The following FAM124A variants were observed in gnomAD, a reference collection of about 807,000 sequenced individuals.
FAM124A encodes the protein family with sequence similarity 124 member A.
FAM124A carries 23 observed loss-of-function variants against 24.5 expected under a neutral mutation model. The ratio of observed to expected loss-of-function variants is 0.94; its 90% confidence interval spans 0.68 to 1.33. FAM124A has a LOEUF of 1.33. Among genes scored for constraint, FAM124A ranks in the 40% most tolerant of loss-of-function variants. The pLI is 0.00. For synonymous variants in FAM124A, 287 were observed against 314.7 expected (o/e 0.91, Z 0.93); for missense variants, 623 against 722.8 (o/e 0.86, Z 1.58).
At chr13:51,268,406 CA>C in intron 3 of FAM124A, among the ~76,000 whole-genome samples, 1 of 152,160 alleles carries the variant, frequency 6.6e-6, no homozygotes, top group East Asian at 1.9e-4. Context: ...TTTAAAAAAA[CA>C]AAAACAAAAA....
At chr13:51,233,417 T>C (rs1954400192) in intron 2 of FAM124A, among the ~76,000 whole-genome samples, 1 of 152,240 alleles carries the variant, frequency 6.6e-6, no homozygotes, top group Non-Finnish European at 1.5e-5. Context: ...AATTTTTCTC[T>C]CTATTGGCCA....
At chr13:51,232,824 A>C (rs1029227999) in intron 2 of FAM124A, among the ~76,000 whole-genome samples, 1 of 152,288 alleles carries the variant, frequency 6.6e-6, no homozygotes, top group Admixed American at 6.5e-5. Flanking sequence ...GTGAAGCCTT[A>C]GTTCAATTTG....
At chr13:51,252,365 A>G in intron 3 of FAM124A, 164 bp downstream of exon 3, 2 of 907,898 alleles carry the variant, frequency 2.2e-6, no homozygotes, top group Non-Finnish European at 3.2e-6. Flanking sequence ...CAGGATCCCA[A>G]CAAAAGAGGG....
intron 3 of FAM124A, chr13:51,252,918 C>T (rs1401948968): frequency 6.6e-6 from 1 of 152,334 alleles, no homozygotes; most frequent in African/African-American, 2.4e-5. Context: ...CTCCCTTTCT[C>T]CTCTCATCCT....
In FAM124A at chr13:51,259,266, C is replaced by T. The variant is rs551263189; in HGVS notation, c.834+7065C>T. On this transcript the variant is annotated intron_variant, in intron 3 of 3. Coordinates refer to ENST00000322475, the MANE Select transcript of FAM124A (RefSeq NM_001242312.2). ...CACAGCCACTTCTCCACTGGATGGCCGAGGGATCCTTTTACAATGCAAATC... is the reference window on the plus strand; with the variant it reads ...CACAGCCACTTCTCCACTGGATGGCTGAGGGATCCTTTTACAATGCAAATC... Among the ~76,000 whole-genome samples, 21 of 152,174 alleles carry T rather than the reference C, an allele frequency of 1.4e-4. 2 individuals carry two copies. Among genetic ancestry groups the T allele is most frequent in the Admixed American group, 1.1e-3 (17 of 15,300 alleles).
At chr13:51,260,501 G>A (rs1227798818) in intron 3 of FAM124A, among the ~76,000 whole-genome samples, 1 of 152,232 alleles carries the variant, frequency 6.6e-6, no homozygotes, top group Admixed American at 6.5e-5. Flanking sequence ...GATAACTAAT[G>A]TTAATTGCAC....
rs1193886903 is a variant in FAM124A, at chr13:51,265,888, C to T, written c.834+13687C>T. Reference sequence around the variant, plus strand: ...TTGATAGGAACATGTGCCCATCTCACTCACATATGTGGGATTTATATACAT... The same window carrying T: ...TTGATAGGAACATGTGCCCATCTCATTCACATATGTGGGATTTATATACAT... On this transcript the variant is annotated intron_variant, in intron 3 of 3. Transcript: ENST00000322475. Among the ~76,000 whole-genome samples the T allele has an allele frequency of 2.0e-5, 3 of 152,208 alleles. No individual in the cohort carries two copies. In the East Asian group the frequency reaches 5.8e-4, roughly 29 times the overall value.
chr13:51,266,280 CTG>C (rs1435800395), intron 3 of FAM124A, among the ~76,000 whole-genome samples: 1 of 152,228 alleles, frequency 6.6e-6, no homozygotes, highest in Non-Finnish European at 1.5e-5. Flanking sequence ...CACAGTGTCT[CTG>C]TCCTCCTAAA....
intron 3 of FAM124A, among the ~76,000 whole-genome samples, chr13:51,276,209 G>A (rs190947419): frequency 1.1e-3 from 171 of 152,288 alleles, no homozygotes; most frequent in East Asian, 3.5e-3. Context: ...GGTATGCGGG[G>A]TGAAGCTAGG....
chr13:51,265,307 A>G (rs749893922), intron 3 of FAM124A, among the ~76,000 whole-genome samples: 3 of 152,138 alleles, frequency 2.0e-5, no homozygotes, highest in Non-Finnish European at 4.4e-5. Context: ...TGACCTGAGG[A>G]GGAGCTGGTA....
Position 51,252,186 on chromosome 13 carries a change from C to G in FAM124A, c.819C>G (p.Asn273Lys). 6.2e-7 allele frequency: 1 copy of G among 1,613,214 alleles called. No homozygotes were observed. The highest frequency in any genetic ancestry group is 8.5e-7 in the Non-Finnish European group (1 of 1,179,962). ...GRWQTEDHDGNKILLQAQRVH... is the reference protein window; with the variant it reads ...GRWQTEDHDGKKILLQAQRVH... ...GGCAGACGGAGGACCATGATGGGAACAAGATCCTCCTACAGGTACTGGGGG... is the reference window on the plus strand; with the variant it reads ...GGCAGACGGAGGACCATGATGGGAAGAAGATCCTCCTACAGGTACTGGGGG... The change falls in exon 3 of 4, where the codon AAC becomes AAG. Residue 273 changes from asparagine (N) to lysine (K), a missense_variant. Coordinates refer to ENST00000322475, the MANE Select transcript of FAM124A (RefSeq NM_001242312.2).
intron 2 of FAM124A, chr13:51,245,472 G>T: frequency 1.9e-6 from 1 of 517,898 alleles, no homozygotes; most frequent in Non-Finnish European, 3.5e-6. Flanking sequence ...CAAGCTTCCA[G>T]CTTGCTTATC....
rs568167273 is a variant in FAM124A at position 51,277,585 on chromosome 13, A to G, written c.835-2865A>G. Among the ~76,000 whole-genome samples, 5 of 152,310 alleles carry G rather than the reference A, an allele frequency of 3.3e-5. No individual in the cohort carries two copies. The South Asian group carries it at 1.0e-3, about 32-fold the overall frequency. On this transcript the variant is annotated intron_variant, in intron 3 of 3. Coordinates refer to ENST00000322475, the MANE Select transcript of FAM124A (RefSeq NM_001242312.2). ...CGAGGCGGGTGGACCACGAGGTCAG[A>G]AGATTGAGACCATCCTGGCTAACAT...
chr13:51,250,707 C>T (rs1426718311), intron 2 of FAM124A, among the ~76,000 whole-genome samples: 1 of 152,212 alleles, frequency 6.6e-6, no homozygotes, highest in Non-Finnish European at 1.5e-5. Context: ...GCTTTCCTTC[C>T]ACCCTAACCT....
intron 2 of FAM124A, among the ~76,000 whole-genome samples, chr13:51,239,358 T>G (rs1363863428): frequency 6.6e-6 from 1 of 152,220 alleles, no homozygotes; most frequent in Non-Finnish European, 1.5e-5. Flanking sequence ...TTTCTGAGCA[T>G]CTATATATTT....
At chr13:51,260,954 G>C (rs1954729969) in intron 3 of FAM124A, among the ~76,000 whole-genome samples, 1 of 152,080 alleles carries the variant, frequency 6.6e-6, no homozygotes. Flanking sequence ...TGCTGCTTCA[G>C]GTTTGATTAC....
At chr13:51,243,479 C>T (rs538640281) in intron 2 of FAM124A, among the ~76,000 whole-genome samples, 18 of 152,236 alleles carry the variant, frequency 1.2e-4, no homozygotes, top group African/African-American at 4.1e-4. Flanking sequence ...TTGTGTTCAG[C>T]GTCACCCAGA....
chr13:51,226,032 A>C (rs969023375), intron 1 of FAM124A, among the ~76,000 whole-genome samples: 3 of 114,380 alleles, frequency 2.6e-5, no homozygotes, highest in Non-Finnish European at 4.9e-5. Flanking sequence ...TCTCTCTGTC[A>C]CCCAGGCTGG....
intron 3 of FAM124A, among the ~76,000 whole-genome samples, chr13:51,265,964 T>C (rs998663210): frequency 6.6e-6 from 1 of 152,240 alleles, no homozygotes; most frequent in Admixed American, 6.5e-5. Flanking sequence ...CAAAAAACTA[T>C]ACAGATTATA....
Sources: gnomAD v4.1 joint callset for allele counts (sites outside exome capture counted in the v4.1 genomes callset) on GRCh38, gnomAD v4.1.1 for gene constraint, MANE v1.5 for transcripts, NCBI Gene and HGNC (gene_info 2026-07-23, HGNC 2026-07-21) for gene names.